The following ROBO2 variants were observed in gnomAD, a reference collection of about 807,000 sequenced individuals.
The protein encoded by ROBO2 is roundabout guidance receptor 2, also known as roundabout homolog 2.
ROBO2 carries 53 observed loss-of-function variants against 160.8 expected under a neutral mutation model. The observed-to-expected ratio is 0.33, with a 90% CI of 0.26 to 0.41. ROBO2 has a LOEUF of 0.41. ROBO2 is among the 10% of genes least tolerant of loss of function. The probability of loss-of-function intolerance (pLI) is 1.00; values close to 1 mark genes in which losing one functional copy is unlikely to be tolerated. For synonymous variants in ROBO2, 664 were observed against 611.7 expected (o/e 1.09, Z -1.26); for missense variants, 1,577 against 1,722.4 (o/e 0.92, Z 1.49).
chr3:77,548,175 A>AC (rs573340786), intron 7 of ROBO2, among the ~76,000 whole-genome samples: 2 of 151,824 alleles, frequency 1.3e-5, no homozygotes, highest in Non-Finnish European at 2.9e-5. Context: ...ACACACACAC[A>AC]AAAAGGAGAG....
rs145221957 is a variant in ROBO2 at position 76,094,158 on chromosome 3, G to C, written c.109+156556G>C. ...CTCACACACACACACACACACACAA[G>C]CACACACAATCTAAAGAAACAAAGA... On this transcript the variant is annotated intron_variant, in intron 2 of 26. Coordinates refer to the ROBO2 transcript ENST00000487694. Among the ~76,000 whole-genome samples, 672 of 150,928 alleles carry C rather than the reference G, an allele frequency of 4.5e-3. 8 individuals carry two copies. The highest frequency in any genetic ancestry group is 0.016 in the African/African-American group (638 of 40,810).
intron 2 of ROBO2, among the ~76,000 whole-genome samples, chr3:76,069,509 A>G (rs981888750): frequency 7.0e-6 from 1 of 143,818 alleles, no homozygotes; most frequent in Non-Finnish European, 1.5e-5. Context: ...GAAGCCAGAC[A>G]GCAGGCTTAT....
intron 2 of ROBO2, among the ~76,000 whole-genome samples, chr3:76,117,948 A>G (rs190238551): frequency 6.6e-5 from 10 of 152,182 alleles, no homozygotes. Context: ...TTTGCTTTCT[A>G]TAAAACTAGA....
intron 2 of ROBO2, among the ~76,000 whole-genome samples, chr3:77,356,894 T>G (rs528479521): frequency 5.3e-5 from 8 of 152,128 alleles, no homozygotes; most frequent in Non-Finnish European, 1.0e-4. Flanking sequence ...TTTTTGTTAT[T>G]AAAAATACAG....
At chr3:77,561,901 C>T (rs565976401) in intron 9 of ROBO2, among the ~76,000 whole-genome samples, 13 of 151,894 alleles carry the variant, frequency 8.6e-5, no homozygotes, top group Non-Finnish European at 8.8e-5. Flanking sequence ...GTCAAGAGTT[C>T]GAGACCAGCC....
At chr3:76,503,477 G>C (rs549848426) in intron 2 of ROBO2, among the ~76,000 whole-genome samples, 1 of 152,068 alleles carries the variant, frequency 6.6e-6, no homozygotes, top group Admixed American at 6.6e-5. Context: ...AAAAGTATCG[G>C]TATACTGAAA....
chr3:76,328,911 TATA>T (rs1559772610), intron 2 of ROBO2, among the ~76,000 whole-genome samples: 629 of 55,338 alleles, frequency 0.011, 6 homozygotes, highest in African/African-American at 0.028. Context: ...TATGTTATTA[TATA>T]TATATATATA....
intron 2 of ROBO2, among the ~76,000 whole-genome samples, chr3:75,953,533 C>T (rs1478530135): frequency 1.3e-5 from 2 of 151,522 alleles, no homozygotes; most frequent in African/African-American, 4.8e-5. Flanking sequence ...TCTTTTCATT[C>T]TAAGCACAGT....
intron 2 of ROBO2, among the ~76,000 whole-genome samples, chr3:76,598,500 T>C (rs2086887544): frequency 6.6e-6 from 1 of 152,148 alleles, no homozygotes; most frequent in African/African-American, 2.4e-5. Context: ...TCTATTAATG[T>C]CAATATTCTG....
Position 76,960,890 on chromosome 3 carries a change from T to G in ROBO2, c.110-137124T>G, listed in dbSNP as rs575250139. 2.0e-5 allele frequency among the ~76,000 whole-genome samples: 3 copies of G among 152,290 alleles called. No individual in the cohort carries two copies. In the East Asian group the frequency reaches 5.8e-4, roughly 29 times the overall value. On this transcript the variant is annotated intron_variant, in intron 2 of 26. Coordinates refer to the ROBO2 transcript ENST00000487694. ...AAAGAATACAATATTAAATGTAGACTTATTCAGACCTCCATATTACTAAAA... is the reference window on the plus strand; with the variant it reads ...AAAGAATACAATATTAAATGTAGACGTATTCAGACCTCCATATTACTAAAA...
intron 2 of ROBO2, among the ~76,000 whole-genome samples, chr3:77,302,796 A>G (rs1050888230): frequency 3.4e-4 from 52 of 152,218 alleles, no homozygotes; most frequent in Middle Eastern, 3.2e-3. Context: ...GCAGCTGGCT[A>G]TGACCTTTTT....
chr3:76,577,824 TGATGA>T (rs1054572661), intron 2 of ROBO2, among the ~76,000 whole-genome samples: 3 of 152,110 alleles, frequency 2.0e-5, no homozygotes, highest in African/African-American at 7.2e-5. Flanking sequence ...CATTCACAAG[TGATGA>T]GATAAGAAAT....
At chr3:76,677,938 TCA>T (rs1423966861) in intron 2 of ROBO2, among the ~76,000 whole-genome samples, 1 of 134,254 alleles carries the variant, frequency 7.4e-6, no homozygotes, top group African/African-American at 2.7e-5. Context: ...CTATTTTCTC[TCA>T]CAGAGAAAGA....
intron 2 of ROBO2, among the ~76,000 whole-genome samples, chr3:77,461,270 T>A (rs1032252784): frequency 5.9e-5 from 9 of 152,050 alleles, no homozygotes; most frequent in Non-Finnish European, 8.8e-5. Context: ...TTTCTTTACA[T>A]CATATTACAG....
At chr3:77,544,315 C>A (rs2092609391) in intron 6 of ROBO2, among the ~76,000 whole-genome samples, 1 of 151,978 alleles carries the variant, frequency 6.6e-6, no homozygotes, top group Admixed American at 6.6e-5. Flanking sequence ...TTGTAAGAAG[C>A]AACTAATCTC....
intron 2 of ROBO2, among the ~76,000 whole-genome samples, chr3:77,153,614 C>T (rs1269555885): frequency 6.6e-6 from 1 of 152,030 alleles, no homozygotes; most frequent in Non-Finnish European, 1.5e-5. Flanking sequence ...GAGAGGAAGC[C>T]AGACTGGAAA....
At chr3:75,975,444 A>G (rs1012593299) in intron 2 of ROBO2, among the ~76,000 whole-genome samples, 7 of 151,278 alleles carry the variant, frequency 4.6e-5, no homozygotes, top group Non-Finnish European at 1.0e-4. Context: ...GTTTAGATCA[A>G]TTTCATCTAC....
At chr3:76,634,920 C>A (rs1024200660) in intron 2 of ROBO2, among the ~76,000 whole-genome samples, 1 of 152,148 alleles carries the variant, frequency 6.6e-6, no homozygotes. Flanking sequence ...GGAGTGTGAA[C>A]CCTATTGTGA....
At chr3:77,293,272 A>G (rs975285913) in intron 2 of ROBO2, among the ~76,000 whole-genome samples, 16 of 151,574 alleles carry the variant, frequency 1.1e-4, no homozygotes, top group Non-Finnish European at 2.1e-4. Context: ...AGGTAAGCTG[A>G]GGCTAGATCA....
Sources: gnomAD v4.1 joint callset for allele counts (sites outside exome capture counted in the v4.1 genomes callset) on GRCh38, gnomAD v4.1.1 for gene constraint, MANE v1.5 for transcripts, NCBI Gene and HGNC (gene_info 2026-07-23, HGNC 2026-07-21) for gene names.